NAA30: variants seen among roughly 807,000 people sequenced by gnomAD.
NAA30 encodes N-alpha-acetyltransferase 30, NatC catalytic subunit, also known as N-alpha-acetyltransferase 30.
In NAA30, 5 loss-of-function variants were observed where a neutral mutation model predicts 31.4. That is an observed-to-expected ratio of 0.16 (90% CI 0.08 to 0.33). NAA30 has a LOEUF of 0.33. Among genes scored for constraint, NAA30 ranks in the 10% least tolerant of loss-of-function variants. NAA30 has a pLI of 1.00. For missense variants in NAA30, 428 were observed against 490.8 expected (o/e 0.87, Z 1.21); for synonymous variants, 222 against 207.1 (o/e 1.07, Z -0.62).
chr14:57,391,420 G>T lies in NAA30; in HGVS notation c.463G>T (p.Glu155Ter). Residue 155 changes from glutamate to a stop codon, truncating the protein, a stop_gained, in exon 2 of 5, where the codon GAG becomes TAG. Transcript: ENST00000556492. LOFTEE classifies it high-confidence loss of function. This position sits in a 1 kb window ranked among gnomAD's most constrained non-coding sequence, Gnocchi z 4.1. ...AAGAACTGCGGTCCCCAGCCCGGTG[G>T]AGGCAGCGGCGGCGAGCGATCCCGC... The part of the protein sequence containing the change: ...NARTAVPSPV[E>*]AAAASDPAAA... 6.2e-7 allele frequency: 1 copy of T among 1,607,392 alleles called. No individual in the cohort carries two copies.
chr14:57,415,632 A>G lies in NAA30; in HGVS notation c.*6116A>G, dbSNP rs759236249. ...TGCATGAAACTTTTAAAAGTTTAAG[A>G]TATAAAGTAATTGCTAAAATTTGTG... On this transcript the variant is annotated 3_prime_UTR_variant, in exon 5 of 5. Coordinates refer to ENST00000556492, the MANE Select transcript of NAA30 (RefSeq NM_001011713.3). 2.0e-4 allele frequency: 31 copies of G among 152,192 alleles called. No homozygotes were observed. The highest frequency in any genetic ancestry group is 4.0e-4 in the Non-Finnish European group (27 of 68,032). 9.4% of individuals were successfully genotyped at this position (152,192 alleles called of 1,614,324 possible). A position where few individuals can be genotyped will look rare whatever the true frequency, so the allele number is the denominator to read the frequency against.
rs1182144904 is a variant in NAA30, at chr14:57,414,561, T to C, written c.*5045T>C. 6.6e-6 allele frequency: 1 copy of C among 152,220 alleles called. No individual in the cohort carries two copies. Among genetic ancestry groups the C allele is most frequent in the Non-Finnish European group, 1.5e-5 (1 of 68,046 alleles). 9.4% of individuals were successfully genotyped at this position (152,220 alleles called of 1,614,324 possible). A position where few individuals can be genotyped will look rare whatever the true frequency, so the allele number is the denominator to read the frequency against. On this transcript the variant is annotated 3_prime_UTR_variant, in exon 5 of 5. Transcript: ENST00000556492. ...TTTCACTTCTAAATGAGATTGGTCA[T>C]CTCATGAGTGGTCAAGTTGGAACAT...
Position 57,401,034 on chromosome 14 carries a change from CCTGTTGCTA to C in NAA30, c.951+1157_951+1165del, listed in dbSNP as rs1356611046. On this transcript the variant is annotated intron_variant, in intron 4 of 4. Transcript: ENST00000556492. ...TACAGGCATGAGCCGTTGCTCCTGG[CCTGTTGCTA>C]CTGTTAACTGTTTGAAATGCTTTCT... Among the ~76,000 whole-genome samples the C allele has an allele frequency of 7.9e-5, 12 of 152,164 alleles. No individual in the cohort carries two copies. In the East Asian group the frequency reaches 2.3e-3, roughly 29 times the overall value.
intron 4 of NAA30, among the ~76,000 whole-genome samples, chr14:57,404,078 T>C (rs1471701854): frequency 6.6e-6 from 1 of 152,158 alleles, no homozygotes; most frequent in Non-Finnish European, 1.5e-5. Flanking sequence ...TCCCAGCACT[T>C]TGGGAGGCCA....
intron 4 of NAA30, among the ~76,000 whole-genome samples, chr14:57,402,576 G>T (rs2066481627): frequency 2.6e-5 from 4 of 151,818 alleles, no homozygotes; most frequent in Middle Eastern, 6.8e-3. Context: ...TCTTATTTTT[G>T]TTCATAGTAG....
intron 4 of NAA30, among the ~76,000 whole-genome samples, chr14:57,404,149 G>A (rs1377654504): frequency 9.9e-5 from 15 of 152,204 alleles, no homozygotes; most frequent in East Asian, 1.9e-4. Flanking sequence ...GTGAAACCCC[G>A]TCTCTACTAA....
In NAA30 at chr14:57,391,065, C is replaced by G; in HGVS notation, c.108C>G (p.Ala36=). The change falls in exon 2 of 5, where the codon GCC becomes GCG. Residue 36 remains alanine, a synonymous_variant. Coordinates refer to ENST00000556492, the MANE Select transcript of NAA30 (RefSeq NM_001011713.3). The surrounding 1 kb of genome is among the most constrained non-coding windows in gnomAD (Gnocchi z 4.1). ...CCTTCCCGGCGGGGGCCGCCCTCGC[C>G]TGCTGCAGCGAGGACGAGGAGGACG... is the stretch of plus-strand genomic sequence containing the variant. ...RCPFPAGAAL[A]CCSEDEEDDE... is the part of the protein sequence containing the mutation. 6.5e-7 allele frequency: 1 copy of G among 1,529,030 alleles called. No homozygotes were observed. Among genetic ancestry groups the G allele is most frequent in the Admixed American group, 2.2e-5 (1 of 45,868 alleles). 94.7% of individuals were successfully genotyped at this position (1,529,030 alleles called of 1,614,324 possible).
rs781011816 is a variant in NAA30 at position 57,411,108 on chromosome 14, T to C, written c.*1592T>C. ...AGCTGCTCTTTGCTCAGTATAGTGTTTTGAAAGTGAACATAGTAACAAATA... is the reference window on the plus strand; with the variant it reads ...AGCTGCTCTTTGCTCAGTATAGTGTCTTGAAAGTGAACATAGTAACAAATA... On this transcript the variant is annotated 3_prime_UTR_variant, in exon 5 of 5. Transcript: ENST00000556492. 5.9e-5 allele frequency: 9 copies of C among 152,350 alleles called. No homozygotes were observed. The highest frequency in any genetic ancestry group is 3.9e-4 in the Admixed American group (6 of 15,248). 9.4% of individuals were successfully genotyped at this position (152,350 alleles called of 1,614,324 possible).
At position 57,391,665 on chromosome 14, in the gene NAA30, C is replaced by T. The variant is rs545631628; in HGVS notation, c.708C>T (p.Ser236=). The T allele has an allele frequency of 1.2e-5, 20 of 1,614,146 alleles. No homozygotes were observed. The South Asian group carries it at 1.5e-4, about 12-fold the overall frequency. Residue 236 remains serine (S), a synonymous_variant, in exon 2 of 5, where the codon TCC becomes TCT. Transcript: ENST00000556492. The surrounding 1 kb of genome is among the most constrained non-coding windows in gnomAD (Gnocchi z 4.1). ...TGAGACTGATCACCAAAGATCTGTC[C>T]GAACCCTACTCCATTTATACCTATA... is the stretch of plus-strand genomic sequence containing the variant. ...DIMRLITKDL[S]EPYSIYTYRY...
chr14:57,391,560 G>C lies in NAA30; in HGVS notation c.603G>C (p.Ser201=), dbSNP rs1027810184. ...LTADCSLRSP[S]GREVEPGEDR... Reference sequence around the variant, plus strand: ...CCGACTGCAGCTTAAGAAGCCCTTCGGGCAGGGAGGTTGAGCCTGGGGAGG... The same window carrying C: ...CCGACTGCAGCTTAAGAAGCCCTTCCGGCAGGGAGGTTGAGCCTGGGGAGG... Residue 201 remains serine, a synonymous_variant, in exon 2 of 5, where the codon TCG becomes TCC. Transcript: ENST00000556492. The surrounding 1 kb of genome is among the most constrained non-coding windows in gnomAD (Gnocchi z 4.1). 6.2e-7 allele frequency: 1 copy of C among 1,614,176 alleles called. No individual in the cohort carries two copies.
At chr14:57,403,329 T>G (rs1304113308) in intron 4 of NAA30, among the ~76,000 whole-genome samples, 1 of 152,208 alleles carries the variant, frequency 6.6e-6, no homozygotes, top group Non-Finnish European at 1.5e-5. Context: ...ACAGAATTTG[T>G]GACCTTGAGT....
chr14:57,406,427 A>T (rs1355136943), intron 4 of NAA30, among the ~76,000 whole-genome samples: 1 of 152,068 alleles, frequency 6.6e-6, no homozygotes, highest in Non-Finnish European at 1.5e-5. Flanking sequence ...AATGAGGGGG[A>T]GGTACAGTAG....
At chr14:57,395,047 C>T (rs1333517435) in intron 2 of NAA30, among the ~76,000 whole-genome samples, 2 of 152,086 alleles carry the variant, frequency 1.3e-5, no homozygotes, top group Non-Finnish European at 2.9e-5. Flanking sequence ...AAAAAGCTTT[C>T]AGAGTTGGTC....
chr14:57,393,666 A>G (rs770671933), intron 2 of NAA30, among the ~76,000 whole-genome samples: 1 of 152,088 alleles, frequency 6.6e-6, no homozygotes, highest in African/African-American at 2.4e-5. Context: ...TGATTGAAAA[A>G]AAGTTAAGAA....
In NAA30 at chr14:57,391,540, T is replaced by C. The variant is rs1356307445; in HGVS notation, c.583T>C (p.Cys195Arg). The C allele has an allele frequency of 1.2e-6, 2 of 1,613,854 alleles. No individual in the cohort carries two copies. The highest frequency in any genetic ancestry group is 1.7e-6 in the Non-Finnish European group (2 of 1,180,040). ...GCTGTCTTCGTCCCTGACCGCCGAC[T>C]GCAGCTTAAGAAGCCCTTCGGGCAG... Reference protein sequence around the residue: ...RLLSSSLTADCSLRSPSGREV... With the variant: ...RLLSSSLTADRSLRSPSGREV... The change falls in exon 2 of 5, where the codon TGC becomes CGC. Residue 195 changes from cysteine to arginine, a missense_variant. Coordinates refer to ENST00000556492, the MANE Select transcript of NAA30 (RefSeq NM_001011713.3). This position sits in a 1 kb window ranked among gnomAD's most constrained non-coding sequence, Gnocchi z 4.1.
At position 57,392,217 on chromosome 14, in the gene NAA30, G is replaced by C. The variant is rs77127133; in HGVS notation, c.771+489G>C. On this transcript the variant is annotated intron_variant, in intron 2 of 4. Transcript: ENST00000556492. The stretch of plus-strand genomic sequence containing the variant: ...CATATTGGAGAATTAAATCTTACAA[G>C]CATTTTCGGTAATTATGGAGATGTT... 2.3e-3 allele frequency among the ~76,000 whole-genome samples: 354 copies of C among 152,254 alleles called. 7 individuals carry two copies. In the East Asian group the frequency reaches 0.056, roughly 24 times the overall value.
intron 3 of NAA30, among the ~76,000 whole-genome samples, chr14:57,398,973 T>C (rs1395305068): frequency 2.0e-5 from 3 of 151,782 alleles, no homozygotes; most frequent in Non-Finnish European, 4.4e-5. Flanking sequence ...GGTTTTGCCA[T>C]GACCTCAGCC....
In NAA30 at chr14:57,391,677, C is replaced by T. The variant is rs145271161; in HGVS notation, c.720C>T (p.Ser240=). 1.2e-6 allele frequency: 2 copies of T among 1,613,672 alleles called. No homozygotes were observed. The highest frequency in any genetic ancestry group is 2.7e-5 in the African/African-American group (2 of 74,914). The change falls in exon 2 of 5, where the codon TCC becomes TCT. Residue 240 remains serine (S), a synonymous_variant. Transcript: ENST00000556492. The surrounding 1 kb of genome is among the most constrained non-coding windows in gnomAD (Gnocchi z 4.1). ...CCAAAGATCTGTCCGAACCCTACTC[C>T]ATTTATACCTATAGATATTTTATCC... ...LITKDLSEPY[S]IYTYRYFIHN...
In NAA30 at chr14:57,396,817, C is replaced by A; in HGVS notation, c.837C>A (p.Phe279Leu). The change falls in exon 3 of 5, where the codon TTC becomes TTA. Residue 279 changes from phenylalanine to leucine, a missense_variant. Transcript: ENST00000556492. ...AGTTGGATATGCACAAAAAGATGTT[C>A]CGCAGAGGTTATATAGCCATGTTAG... ...VCKLDMHKKMFRRGYIAMLAV... is the reference protein window; with the variant it reads ...VCKLDMHKKMLRRGYIAMLAV... The A allele has an allele frequency of 6.2e-7, 1 of 1,613,984 alleles. No homozygotes were observed. Among genetic ancestry groups the A allele is most frequent in the South Asian group, 1.1e-5 (1 of 91,086 alleles).
Sources: allele counts gnomAD v4.1 joint callset (sites outside exome capture counted in the v4.1 genomes callset), GRCh38; gene constraint gnomAD v4.1.1; non-coding constraint Gnocchi (gnomAD v3.1); transcripts MANE v1.5; gene names NCBI Gene and HGNC (gene_info 2026-07-23, HGNC 2026-07-21).